The following TRIP4 variants were observed in gnomAD, a reference collection of about 807,000 sequenced individuals.
TRIP4 encodes the protein thyroid hormone receptor interactor 4, also known as activating signal cointegrator 1.
TRIP4 carries 54 observed loss-of-function variants against 81.8 expected under a neutral mutation model. That is an observed-to-expected ratio of 0.66 (90% CI 0.53 to 0.83). The LOEUF is 0.83. Among genes scored for constraint, TRIP4 ranks in the 40% least tolerant of loss-of-function variants. The pLI is 0.00. For missense variants in TRIP4, 662 were observed against 683.6 expected, an observed-to-expected ratio of 0.97 and a Z score of 0.35; for synonymous variants, 270 against 242.8, an observed-to-expected ratio of 1.11 and a Z score of -1.04.
intron 11 of TRIP4, among the ~76,000 whole-genome samples, chr15:64,425,913 C>T (rs1175224107): frequency 6.6e-6 from 1 of 152,168 alleles, no homozygotes; most frequent in African/African-American, 2.4e-5. Context: ...GAAACCCCAT[C>T]TCTACTAAAA....
At chr15:64,427,713 G>T (rs1339837290) in intron 11 of TRIP4, among the ~76,000 whole-genome samples, 1 of 152,056 alleles carries the variant, frequency 6.6e-6, no homozygotes, top group East Asian at 1.9e-4. Context: ...TATCCCTCTA[G>T]ATTTATGTCT....
intron 11 of TRIP4, among the ~76,000 whole-genome samples, chr15:64,443,749 C>T (rs1024419329): frequency 1.3e-5 from 2 of 151,990 alleles, no homozygotes; most frequent in African/African-American, 4.8e-5. Context: ...TGGCTGGGTG[C>T]GGTGGCTCTC....
chr15:64,401,650 A>G (rs1891512012), intron 5 of TRIP4, among the ~76,000 whole-genome samples: 2 of 152,220 alleles, frequency 1.3e-5, no homozygotes. Flanking sequence ...AATAAATAAT[A>G]GTATTACATT....
chr15:64,403,466 A>G (rs569251592), intron 5 of TRIP4, among the ~76,000 whole-genome samples: 45 of 152,290 alleles, frequency 3.0e-4, no homozygotes, highest in African/African-American at 1.0e-3. Context: ...GCAGTTAAGG[A>G]CACTATTAAA....
chr15:64,390,386 G>A (rs139414474), intron 1 of TRIP4, among the ~76,000 whole-genome samples: 120 of 150,554 alleles, frequency 8.0e-4, no homozygotes, highest in African/African-American at 2.4e-3. Context: ...CCCTTGAACC[G>A]CGGGGCAGAG....
At chr15:64,446,755 C>G (rs1165786546) in intron 12 of TRIP4, among the ~76,000 whole-genome samples, 1 of 151,690 alleles carries the variant, frequency 6.6e-6, no homozygotes, top group Non-Finnish European at 1.5e-5. Flanking sequence ...TAGCTGGGAC[C>G]CATCTTTTCT....
chr15:64,439,227 G>T (rs564872815), intron 11 of TRIP4, among the ~76,000 whole-genome samples: 18 of 152,164 alleles, frequency 1.2e-4, no homozygotes, highest in Non-Finnish European at 2.4e-4. Flanking sequence ...AAATATAAAT[G>T]AGAACTGTTT....
At chr15:64,432,174 C>T (rs1326371198) in intron 11 of TRIP4, among the ~76,000 whole-genome samples, 8 of 151,868 alleles carry the variant, frequency 5.3e-5, no homozygotes, top group African/African-American at 1.9e-4. Flanking sequence ...CATGAGCCAC[C>T]ATGCCTGGCT....
rs375212080 is a variant in TRIP4, at chr15:64,394,067, G to T, written c.223G>T (p.Asp75Tyr). 2 of 1,608,948 alleles carry T rather than the reference G, an allele frequency of 1.2e-6. No individual in the cohort carries two copies. Among genetic ancestry groups the T allele is most frequent in the African/African-American group, 2.7e-5 (2 of 74,704 alleles). The change falls in exon 2 of 13, where the codon GAT becomes TAT. Residue 75 changes from aspartate to tyrosine, a missense_variant. Coordinates refer to ENST00000261884, the MANE Select transcript of TRIP4 (RefSeq NM_016213.5). ...ACTTATAACCAAATGGCAAAAGAAT[G>T]ATCAGGAGTTGATTTCGGATCCTTT... ...EELITKWQKN[D>Y]QELISDPLQQ...
intron 11 of TRIP4, among the ~76,000 whole-genome samples, chr15:64,429,723 T>C (rs1446626158): frequency 6.6e-6 from 1 of 152,220 alleles, no homozygotes; most frequent in African/African-American, 2.4e-5. Flanking sequence ...TTCTGTATTC[T>C]CATAGGTCAA....
chr15:64,407,528 G>C (rs754800829), intron 6 of TRIP4, among the ~76,000 whole-genome samples: 1 of 152,034 alleles, frequency 6.6e-6, no homozygotes, highest in Non-Finnish European at 1.5e-5. Context: ...TTAGCCAAGC[G>C]TGGTGGCAGG....
Position 64,414,512 on chromosome 15 carries a change from C to CTTTTTTTTTTT in TRIP4, c.1170+313_1170+323dup, listed in dbSNP as rs869202504. On this transcript the variant is annotated intron_variant, in intron 8 of 12. Transcript: ENST00000261884. ...TGGTTCTTTTGTTAATGCTCTTTCTCTTTTTTTTTTTTTTTTTTTTTTGAG... is the reference window on the plus strand; with the variant it reads ...TGGTTCTTTTGTTAATGCTCTTTCTCTTTTTTTTTTTTTTTTTTTTTTTTTTTTTTTTTGAG... 7.8e-4 allele frequency among the ~76,000 whole-genome samples: 68 copies of CTTTTTTTTTTT among 87,054 alleles called. 3 individuals are homozygous for CTTTTTTTTTTT. The highest frequency in any genetic ancestry group is 8.5e-4 in the Non-Finnish European group (41 of 48,384). 57.1% of individuals were successfully genotyped at this position (87,054 alleles called of 152,430 possible). A position where few individuals can be genotyped will look rare whatever the true frequency, so the allele number is the denominator to read the frequency against.
intron 4 of TRIP4, among the ~76,000 whole-genome samples, chr15:64,399,586 C>G (rs1891441359): frequency 6.6e-6 from 1 of 152,070 alleles, no homozygotes; most frequent in Admixed American, 6.6e-5. Context: ...ACTTCCGCCT[C>G]CTGGGTTCAA....
intron 1 of TRIP4, among the ~76,000 whole-genome samples, chr15:64,390,160 T>TA (rs199844801): frequency 3.4e-4 from 50 of 145,536 alleles, no homozygotes; most frequent in East Asian, 9.9e-4. Flanking sequence ...AATACAGTAT[T>TA]AAAAAAAAAA....
intron 11 of TRIP4, among the ~76,000 whole-genome samples, chr15:64,441,451 A>G (rs1566984743): frequency 6.6e-6 from 1 of 151,984 alleles, no homozygotes; most frequent in Non-Finnish European, 1.5e-5. Flanking sequence ...TAAATAAGTA[A>G]ATTATATTGT....
In TRIP4 at chr15:64,432,647, C is replaced by G. The variant is rs528328008; in HGVS notation, c.1575+7016C>G. 8.0e-5 allele frequency among the ~76,000 whole-genome samples: 12 copies of G among 150,358 alleles called. No individual in the cohort carries two copies. In the South Asian group the frequency reaches 2.3e-3, roughly 29 times the overall value. ...ATAAATACAGCCGGGCGTGGTGACT[C>G]ACACCTTTAATCCCAGCAGCTTGGG... On this transcript the variant is annotated intron_variant, in intron 11 of 12. Transcript: ENST00000261884.
chr15:64,433,234 A>G (rs373234149), intron 11 of TRIP4, among the ~76,000 whole-genome samples: 24 of 152,346 alleles, frequency 1.6e-4, no homozygotes, highest in African/African-American at 5.0e-4. Flanking sequence ...AATGAAATCT[A>G]TCACTTTTTG....
intron 9 of TRIP4, among the ~76,000 whole-genome samples, chr15:64,422,187 G>T (rs1892034443): frequency 6.6e-6 from 1 of 152,172 alleles, no homozygotes; most frequent in Non-Finnish European, 1.5e-5. Context: ...GATTAGGCCA[G>T]TATTATTATA....
chr15:64,426,809 G>T (rs1031257528), intron 11 of TRIP4, among the ~76,000 whole-genome samples: 1 of 151,780 alleles, frequency 6.6e-6, no homozygotes, highest in African/African-American at 2.4e-5. Context: ...GACTATCCTG[G>T]CTAACACGGT....
Sources: allele counts gnomAD v4.1 joint callset (sites outside exome capture counted in the v4.1 genomes callset), GRCh38; gene constraint gnomAD v4.1.1; transcripts MANE v1.5; gene names NCBI Gene and HGNC (gene_info 2026-07-23, HGNC 2026-07-21).